KANK3: variants seen among roughly 807,000 people sequenced by gnomAD.
KANK3 encodes KN motif and ankyrin repeat domain-containing protein 3.
In KANK3, 61 loss-of-function variants were observed where a neutral mutation model predicts 65.4. The ratio of observed to expected loss-of-function variants is 0.93; its 90% CI spans 0.76 to 1.15. The LOEUF (loss-of-function observed/expected upper bound fraction) is 1.15. Ranked by LOEUF, KANK3 falls within the 50% of genes most tolerant of loss-of-function variation. The pLI is 0.00. For missense variants in KANK3, 1,187 were observed against 1,178.8 expected, an observed-to-expected ratio of 1.01 and a Z score of -0.10; for synonymous variants, 586 against 543.3, an observed-to-expected ratio of 1.08 and a Z score of -1.09.
rs774986099 is a variant in KANK3, at chr19:8,322,929, A to G, written c.2383-7T>C. On this transcript the variant is annotated splice_region_variant and splice_polypyrimidine_tract_variant and intron_variant, in intron 10 of 10. Transcript: ENST00000330915. Reference sequence around the variant, plus strand: ...AGCCAGGGGGTGACTCGCTCTGGAGAGAGGGGAAAAGAGGGGGGCCTGCTG... The same window carrying G: ...AGCCAGGGGGTGACTCGCTCTGGAGGGAGGGGAAAAGAGGGGGGCCTGCTG... 1 of 1,410,518 alleles carries G rather than the reference A, an allele frequency of 7.1e-7. No individual in the cohort carries two copies. Among genetic ancestry groups the G allele is most frequent in the Non-Finnish European group, 9.6e-7 (1 of 1,046,036 alleles). 87.4% of individuals were successfully genotyped at this position (1,410,518 alleles called of 1,614,324 possible).
intron 8 of KANK3, 35 bp from the exon 9 acceptor site, chr19:8,324,865 G>T: frequency 6.2e-7 from 1 of 1,603,590 alleles, no homozygotes; most frequent in Non-Finnish European, 8.5e-7. Flanking sequence ...ACAGGCTGGG[G>T]TAGGCTCAGG....
intron 7 of KANK3, among the ~76,000 whole-genome samples, chr19:8,328,387 CCACACACACACACACACACACACACA>C (rs55963090): frequency 1.4e-5 from 2 of 145,102 alleles, no homozygotes; most frequent in African/African-American, 2.5e-5. Context: ...ACCACCCCCA[CCACACACACACACACACACACACACA>C]CACACACACA....
chr19:8,332,439 A>C (rs1055055776), intron 7 of KANK3, among the ~76,000 whole-genome samples: 7 of 151,042 alleles, frequency 4.6e-5, no homozygotes, highest in Non-Finnish European at 8.8e-5. Context: ...CGGCCTCCCA[A>C]AGTGCTGGGG....
chr19:8,337,980 A>C (rs1970671227), intron 1 of KANK3, 124 bp from the exon 2 acceptor site: 9 of 1,380,058 alleles, frequency 6.5e-6, no homozygotes, highest in East Asian at 2.9e-5. Flanking sequence ...CCCTCCACAC[A>C]TGGCCTCTCC....
At chr19:8,339,093 A>G (rs2145441487) in intron 1 of KANK3, among the ~76,000 whole-genome samples, 1 of 152,160 alleles carries the variant, frequency 6.6e-6, no homozygotes, top group African/African-American at 2.4e-5. Context: ...CAAACACAAA[A>G]CACCTGGGTT....
At chr19:8,338,840 A>C (rs1970683873) in intron 1 of KANK3, among the ~76,000 whole-genome samples, 1 of 136,908 alleles carries the variant, frequency 7.3e-6, no homozygotes. Flanking sequence ...GCGCCACTGC[A>C]CTTCAGCCTG....
chr19:8,334,938 T>C lies in KANK3; in HGVS notation c.889A>G (p.Thr297Ala). Residue 297 changes from threonine to alanine, a missense_variant, in exon 3 of 11, where the codon ACG becomes GCG. Transcript: ENST00000330915. ...GCGGCCACCTCCCGGGTCTGGGGCG[T>C]CCCATCGAGACTCCCGACCTCCCCG... ...LDGEVGSLDG[T>A]PQTREVAAEA... 4 of 1,482,684 alleles carry C rather than the reference T, an allele frequency of 2.7e-6. No individual in the cohort carries two copies. Among genetic ancestry groups the C allele is most frequent in the Non-Finnish European group, 3.6e-6 (4 of 1,126,616 alleles). The allele number at this position is 1,482,684 out of a possible 1,614,324, so 91.8% of individuals were successfully genotyped here.
chr19:8,333,776 C>A lies in KANK3; in HGVS notation c.1667G>T (p.Cys556Phe). ...GCTCAGCTGCCGCTGCAGCGCTACGCACGCCTCCCTCAGACGCGGGCTCAG... is the reference window on the plus strand; with the variant it reads ...GCTCAGCTGCCGCTGCAGCGCTACGAACGCCTCCCTCAGACGCGGGCTCAG... ...CELSPRLREA[C>F]VALQRQLSRP... Residue 556 changes from cysteine (C) to phenylalanine (F), a missense_variant, in exon 6 of 11, where the codon TGC (cysteine) becomes TTC (phenylalanine). Physicochemically the swap from Cys to Phe is radical, Grantham distance 205. Around this residue, in one of 3 missense-constraint regions of KANK3, gnomAD observed 1,078 missense variants for 1,038.2 expected, o/e 1.04. Coordinates refer to ENST00000330915, the MANE Select transcript of KANK3 (RefSeq NM_198471.3). The surrounding 1 kb of genome is among the most constrained non-coding windows in gnomAD (Gnocchi z 5.0). 1 of 1,513,178 alleles carries A rather than the reference C, an allele frequency of 6.6e-7. No homozygotes were observed. Among genetic ancestry groups the A allele is most frequent in the Non-Finnish European group, 8.9e-7 (1 of 1,127,670 alleles). The allele number at this position is 1,513,178 out of a possible 1,614,324, so 93.7% of individuals were successfully genotyped here.
intron 7 of KANK3, 29 bp downstream of exon 7, chr19:8,332,985 T>TGGTTGG: frequency 1.7e-6 from 1 of 585,694 alleles, no homozygotes; most frequent in Non-Finnish European, 3.2e-6. Flanking sequence ...CATTTCCTGG[T>TGGTTGG]GTCCCACCCA....
chr19:8,335,358 C>A lies in KANK3; in HGVS notation c.469G>T (p.Val157Phe). The A allele has an allele frequency of 8.4e-7, 1 of 1,195,218 alleles. No homozygotes were observed. Among genetic ancestry groups the A allele is most frequent in the Non-Finnish European group, 1.0e-6 (1 of 964,874 alleles). The allele number at this position is 1,195,218 out of a possible 1,614,324, so 74.0% of individuals were successfully genotyped here. A position where few individuals can be genotyped will look rare whatever the true frequency, so the allele number is the denominator to read the frequency against. Reference sequence around the variant, plus strand: ...CCGGACCCGCGTGGGCTGCGCGGGACCCCGCGGCCGGGGCTGGGCGCGCGC... The same window carrying A: ...CCGGACCCGCGTGGGCTGCGCGGGAACCCGCGGCCGGGGCTGGGCGCGCGC... ...HERAPSPGRG[V>F]PRSPRGSGRS... Residue 157 changes from valine to phenylalanine, a missense_variant, in exon 3 of 11, where the codon GTC (valine) becomes TTC (phenylalanine). By Grantham distance (50) the Val-to-Phe change is conservative. Transcript: ENST00000330915.
At position 8,335,409 on chromosome 19, in the gene KANK3, G is replaced by T. The variant is rs1186909520; in HGVS notation, c.418C>A (p.Arg140=). 1.7e-6 allele frequency: 2 copies of T among 1,204,168 alleles called. No homozygotes were observed. Among genetic ancestry groups the T allele is most frequent in the Non-Finnish European group, 2.1e-6 (2 of 970,038 alleles). 74.6% of individuals were successfully genotyped at this position (1,204,168 alleles called of 1,614,324 possible). ...VEHTLRETSR[R]LELAQTHERA... ...TCGTGTGTCTGCGCCAGCTCCAGCC[G>T]CCGGCTGGTCTCCCGGAGCGTGTGC... Residue 140 remains arginine (R), a synonymous_variant, in exon 3 of 11, where the codon CGG becomes AGG. Transcript: ENST00000330915.
Position 8,335,617 on chromosome 19 carries a change from C to A in KANK3, c.210G>T (p.Ser70=). The A allele has an allele frequency of 8.1e-7, 1 of 1,239,710 alleles. No individual in the cohort carries two copies. Among genetic ancestry groups the A allele is most frequent in the Non-Finnish European group, 1.0e-6 (1 of 988,662 alleles). 76.8% of individuals were successfully genotyped at this position (1,239,710 alleles called of 1,614,324 possible). ...CGGGCCGGGGCGCGCGGGGACGGCG[C>A]GAGGTCGGGGGTCCCGGGGCGCGGC... The part of the protein sequence containing the change: ...AARRAPGPPT[S]RRPRAPRPGL... Residue 70 remains serine (S), a synonymous_variant, in exon 3 of 11, where the codon TCG becomes TCT. Coordinates refer to ENST00000330915, the MANE Select transcript of KANK3 (RefSeq NM_198471.3).
At position 8,334,707 on chromosome 19, in the gene KANK3, C is replaced by G. The variant is rs1422568296; in HGVS notation, c.1120G>C (p.Gly374Arg). 1 of 1,531,750 alleles carries G rather than the reference C, an allele frequency of 6.5e-7. No homozygotes were observed. Among genetic ancestry groups the G allele is most frequent in the Non-Finnish European group, 8.7e-7 (1 of 1,145,790 alleles). The allele number at this position is 1,531,750 out of a possible 1,614,324, so 94.9% of individuals were successfully genotyped here. A position where few individuals can be genotyped will look rare whatever the true frequency, so the allele number is the denominator to read the frequency against. Residue 374 changes from glycine to arginine, a missense_variant, in exon 3 of 11, where the codon GGC becomes CGC. Physicochemically the swap from Gly to Arg is moderately radical, Grantham distance 125. Around this residue, in one of 3 missense-constraint regions of KANK3, gnomAD observed 1,078 missense variants for 1,038.2 expected, o/e 1.04. Transcript: ENST00000330915. ...HQRGVSELLR[G>R]RLRELEEARE... ...GCTTCCTCCAGCTCCCGCAACCGGC[C>G]CCGCAGAAGCTCACTCACCCCGCGC...
chr19:8,328,750 G>A (rs1239778869), intron 7 of KANK3, among the ~76,000 whole-genome samples: 1 of 152,070 alleles, frequency 6.6e-6, no homozygotes, highest in Non-Finnish European at 1.5e-5. Flanking sequence ...TCTGTAACGG[G>A]CACAACTATT....
intron 1 of KANK3, among the ~76,000 whole-genome samples, chr19:8,339,342 C>T (rs1384395595): frequency 1.3e-5 from 2 of 148,946 alleles, no homozygotes; most frequent in Non-Finnish European, 3.0e-5. Context: ...CGCAACATAG[C>T]GAGACCCTAT....
At position 8,335,628 on chromosome 19, in the gene KANK3, G is replaced by T. The variant is rs984283605; in HGVS notation, c.199C>A (p.Pro67Thr). The change falls in exon 3 of 11, where the codon CCC becomes ACC. Residue 67 changes from proline (P) to threonine (T), a missense_variant. This residue lies in a region of KANK3 where 104 missense variants were observed against 122.1 expected (regional missense o/e 0.85). Transcript: ENST00000330915. ...RGPAARRAPG[P>T]PTSRRPRAPR... The stretch of plus-strand genomic sequence containing the variant: ...GCGCGGGGACGGCGCGAGGTCGGGG[G>T]TCCCGGGGCGCGGCGGGCAGCGGGG... 12 of 1,243,578 alleles carry T rather than the reference G, an allele frequency of 9.6e-6. No individual in the cohort carries two copies. The highest frequency in any genetic ancestry group is 1.2e-5 in the Non-Finnish European group (12 of 991,494). The allele number at this position is 1,243,578 out of a possible 1,614,324, so 77.0% of individuals were successfully genotyped here.
intron 7 of KANK3, among the ~76,000 whole-genome samples, chr19:8,328,387 CCA>C (rs55963090): frequency 0.077 from 11,098 of 144,798 alleles, 399 homozygotes; most frequent in Admixed American, 0.13. Flanking sequence ...ACCACCCCCA[CCA>C]CACACACACA....
intron 7 of KANK3, among the ~76,000 whole-genome samples, chr19:8,326,873 T>C (rs1344299440): frequency 6.6e-6 from 1 of 151,878 alleles, no homozygotes; most frequent in East Asian, 1.9e-4. Flanking sequence ...CAGCTCACAG[T>C]GATACTTTGA....
chr19:8,336,719 G>A (rs1471920049), intron 2 of KANK3, among the ~76,000 whole-genome samples: 6 of 135,622 alleles, frequency 4.4e-5, no homozygotes, highest in African/African-American at 1.7e-4. Context: ...CAGACTGGGT[G>A]ACAGAGTGAG....
Sources: allele counts gnomAD v4.1 joint callset (sites outside exome capture counted in the v4.1 genomes callset), GRCh38; gene constraint gnomAD v4.1.1; regional missense constraint gnomAD v4.1.1; non-coding constraint Gnocchi (gnomAD v3.1); transcripts MANE v1.5; gene names NCBI Gene and HGNC (gene_info 2026-07-23, HGNC 2026-07-21).